Variants in MED12L observed in about 807,000 individuals in gnomAD.
MED12L encodes the protein mediator of RNA polymerase II transcription subunit 12-like protein.
MED12L carries 60 observed loss-of-function variants against 281.3 expected under a neutral mutation model. The ratio of observed to expected loss-of-function variants is 0.21; its 90% confidence interval spans 0.17 to 0.26. The LOEUF (loss-of-function observed/expected upper bound fraction) is 0.26. Ranked by LOEUF, MED12L falls within the 10% of genes least tolerant of loss-of-function variation. The pLI is 1.00. For synonymous variants in MED12L, 974 were observed against 987.2 expected, an observed-to-expected ratio of 0.99 and a Z score of 0.25; for missense variants, 2,146 against 2,680.9, an observed-to-expected ratio of 0.80 and a Z score of 4.41.
intron 4 of MED12L, among the ~76,000 whole-genome samples, chr3:151,126,204 A>ACACT (rs1350904664): frequency 6.6e-6 from 1 of 151,884 alleles, no homozygotes; most frequent in Non-Finnish European, 1.5e-5. Flanking sequence ...GTGTGCCACC[A>ACACT]CACTCACCTG....
chr3:151,329,498 G>A lies in MED12L; in HGVS notation c.2251-20561G>A, dbSNP rs981726103. 1.2e-5 allele frequency: 18 copies of A among 1,547,044 alleles called. No homozygotes were observed. In the Admixed American group the frequency reaches 3.6e-4, roughly 31 times the overall value. On this transcript the variant is annotated intron_variant, in intron 16 of 44. Coordinates refer to ENST00000687756, the MANE Select transcript of MED12L (RefSeq NM_001393769.1). ...AAATTCACCTTTGGGAGGATACTCA[G>A]TTCTCTCTGTCTTCTTATGGCGGCA...
In MED12L at chr3:151,388,150, C is replaced by T. The variant is rs544127294; in HGVS notation, c.5429C>T (p.Thr1810Met). The change falls in exon 37 of 45, where the codon ACG (threonine) becomes ATG (methionine). Residue 1810 changes from threonine (T) to methionine (M), a missense_variant. Transcript: ENST00000687756. The part of the protein sequence containing the change: ...EKKTKGRKRK[T>M]KSSSRVDEYP... ...AAAACAAAAGGAAGGAAGCGCAAGA[C>T]GAAATCTAGCTCAAGAGTTGATGTA... The T allele has an allele frequency of 1.5e-5, 24 of 1,602,710 alleles. No homozygotes were observed. Among genetic ancestry groups the T allele is most frequent in the East Asian group, 2.2e-5 (1 of 44,836 alleles).
At chr3:151,235,596 A>G (rs1033561793) in intron 16 of MED12L, among the ~76,000 whole-genome samples, 14 of 152,138 alleles carry the variant, frequency 9.2e-5, no homozygotes, top group African/African-American at 3.4e-4. Flanking sequence ...CGGGAGGCTG[A>G]GGCAGGAGAA....
At chr3:151,199,752 T>A (rs1295065965) in intron 16 of MED12L, among the ~76,000 whole-genome samples, 1 of 152,092 alleles carries the variant, frequency 6.6e-6, no homozygotes, top group Non-Finnish European at 1.5e-5. Flanking sequence ...AGGAGATAAG[T>A]GAACCGAGAT....
At chr3:151,224,765 G>A (rs1730147625) in intron 16 of MED12L, among the ~76,000 whole-genome samples, 1 of 152,108 alleles carries the variant, frequency 6.6e-6, no homozygotes, top group African/African-American at 2.4e-5. Flanking sequence ...TAAGCCTGTT[G>A]TCTTTTTCTC....
At chr3:151,213,057 G>C (rs1727442663) in intron 16 of MED12L, 1 of 265,324 alleles carries the variant, frequency 3.8e-6, no homozygotes, top group African/African-American at 2.2e-5. Flanking sequence ...TTGAATAATT[G>C]TATGTATTAA....
At chr3:151,152,403 C>T (rs1718674463) in intron 5 of MED12L, among the ~76,000 whole-genome samples, 2 of 152,102 alleles carry the variant, frequency 1.3e-5, no homozygotes, top group South Asian at 2.1e-4. Flanking sequence ...CCTGGCCCAT[C>T]GAAGGTACTG....
In MED12L at chr3:151,315,707, G is replaced by A. The variant is rs74608130; in HGVS notation, c.2251-34352G>A. Among the ~76,000 whole-genome samples the A allele has an allele frequency of 4.1e-3, 621 of 152,154 alleles. 10 individuals carry two copies. Among genetic ancestry groups the A allele is most frequent in the East Asian group, 0.032 (168 of 5,180 alleles). ...AGGGTGTCTGGCTTTTTTCCCCCCA[G>A]TATAAAGTAATATAGAACCAGATTT... On this transcript the variant is annotated intron_variant, in intron 16 of 44. Coordinates refer to ENST00000687756, the MANE Select transcript of MED12L (RefSeq NM_001393769.1).
chr3:151,206,642 C>CTTTTTTTT (rs747558778), intron 16 of MED12L, among the ~76,000 whole-genome samples: 12,736 of 70,232 alleles, frequency 0.18, 5,207 homozygotes, highest in Non-Finnish European at 0.21. Flanking sequence ...AACACATTAT[C>CTTTTTTTT]TTTTTTTTTT....
intron 11 of MED12L, among the ~76,000 whole-genome samples, chr3:151,178,874 A>G (rs945673408): frequency 5.3e-5 from 8 of 152,240 alleles, no homozygotes; most frequent in African/African-American, 1.9e-4. Context: ...GATTAAACCC[A>G]TAACTTAATC....
chr3:151,144,427 A>G (rs559882018), intron 5 of MED12L, among the ~76,000 whole-genome samples: 1 of 152,336 alleles, frequency 6.6e-6, no homozygotes, highest in African/African-American at 2.4e-5. Context: ...AGAAAGATGC[A>G]GTCGGGAGTT....
intron 16 of MED12L, among the ~76,000 whole-genome samples, chr3:151,210,267 G>C (rs1254715319): frequency 6.6e-6 from 1 of 152,210 alleles, no homozygotes; most frequent in East Asian, 1.9e-4. Context: ...CTTATGTGGG[G>C]GATGGGGTCA....
At chr3:151,239,724 G>A (rs956099123) in intron 16 of MED12L, among the ~76,000 whole-genome samples, 4 of 152,124 alleles carry the variant, frequency 2.6e-5, no homozygotes, top group African/African-American at 9.6e-5. Context: ...GAGAATTCTT[G>A]GCTAAAATAC....
intron 16 of MED12L, among the ~76,000 whole-genome samples, chr3:151,321,344 G>A (rs1035668205): frequency 6.6e-6 from 1 of 152,086 alleles, no homozygotes; most frequent in Non-Finnish European, 1.5e-5. Flanking sequence ...AAGGGAGGTC[G>A]TCTCAGTAGG....
intron 16 of MED12L, chr3:151,270,196 C>CGCGT (rs1740638332): frequency 7.7e-6 from 1 of 129,646 alleles, no homozygotes; most frequent in Non-Finnish European, 1.5e-5. Flanking sequence ...AGCAAGCTGT[C>CGCGT]GTGTGTGTGT....
At chr3:151,200,758 G>A (rs1029561212) in intron 16 of MED12L, among the ~76,000 whole-genome samples, 38 of 152,172 alleles carry the variant, frequency 2.5e-4, no homozygotes, top group African/African-American at 8.4e-4. Flanking sequence ...TACCAAACTC[G>A]ATGAAAATAA....
chr3:151,175,131 C>G (rs1721886400), intron 11 of MED12L, among the ~76,000 whole-genome samples: 1 of 152,214 alleles, frequency 6.6e-6, no homozygotes, highest in South Asian at 2.1e-4. Flanking sequence ...AGGTTATGTT[C>G]TATTAGCAGT....
chr3:151,345,250 CTG>C (rs1281548485), intron 16 of MED12L, among the ~76,000 whole-genome samples: 1 of 152,150 alleles, frequency 6.6e-6, no homozygotes, highest in Admixed American at 6.5e-5. Context: ...CTGACGTCTC[CTG>C]TAACAGACTC....
chr3:151,124,981 A>G (rs878908658), intron 4 of MED12L, among the ~76,000 whole-genome samples: 1 of 151,950 alleles, frequency 6.6e-6, no homozygotes, highest in Non-Finnish European at 1.5e-5. Flanking sequence ...TCCAAGGAGA[A>G]AGGTGATAGG....
Sources: gnomAD v4.1 joint callset for allele counts (sites outside exome capture counted in the v4.1 genomes callset) on GRCh38, gnomAD v4.1.1 for gene constraint, MANE v1.5 for transcripts, NCBI Gene and HGNC (gene_info 2026-07-23, HGNC 2026-07-21) for gene names.